Variants in CENPK observed in about 807,000 individuals in gnomAD.
The protein encoded by CENPK is SoxLZ/Sox6-binding protein Solt.
A neutral mutation model predicts 40.9 loss-of-function variants in CENPK; 46 were observed. That is an observed-to-expected ratio of 1.13 (90% CI 0.89 to 1.44). The LOEUF is 1.44. Ranked by LOEUF, CENPK falls within the 40% of genes most tolerant of loss-of-function variation. The pLI is 0.00. For missense variants in CENPK, 288 were observed against 303.5 expected (o/e 0.95, Z 0.38); for synonymous variants, 107 against 104.4 (o/e 1.02, Z -0.15).
chr5:65,533,475 T>A (rs1746277028), intron 6 of CENPK, among the ~76,000 whole-genome samples: 2 of 152,142 alleles, frequency 1.3e-5, no homozygotes. Context: ...TCACACTTAA[T>A]GGTGAAGGGG....
chr5:65,531,802 TA>T (rs945265383), intron 6 of CENPK, among the ~76,000 whole-genome samples: 1 of 152,076 alleles, frequency 6.6e-6, no homozygotes, highest in Non-Finnish European at 1.5e-5. Context: ...GCGCCCGGCC[TA>T]AAAGCCTATT....
At chr5:65,500,996 G>C in the CENPK span, among the ~76,000 whole-genome samples, 1 of 125,518 alleles carries the variant, frequency 8.0e-6, no homozygotes, top group Non-Finnish European at 1.7e-5. Flanking sequence ...CTGCAACTTT[G>C]CTGATTCTTT....
intron 6 of CENPK, among the ~76,000 whole-genome samples, chr5:65,532,910 C>CCA (rs1469972529): frequency 1.1e-4 from 4 of 37,012 alleles, no homozygotes; most frequent in Admixed American, 5.8e-4. Context: ...ACTCCATCTC[C>CCA]AAAAAAAAAA....
At chr5:65,520,236 T>G (rs1743470582) in intron 10 of CENPK, among the ~76,000 whole-genome samples, 1 of 152,160 alleles carries the variant, frequency 6.6e-6, no homozygotes, top group Non-Finnish European at 1.5e-5. Context: ...GCTCCCACTC[T>G]GGCCATGTAA....
the CENPK span, among the ~76,000 whole-genome samples, chr5:65,503,212 C>T: frequency 6.8e-6 from 1 of 147,034 alleles, no homozygotes; most frequent in Non-Finnish European, 1.5e-5. Flanking sequence ...TGGGTTTAAG[C>T]GATTCTGCCT....
chr5:65,523,580 G>A (rs1580892761), intron 9 of CENPK, among the ~76,000 whole-genome samples: 2 of 152,166 alleles, frequency 1.3e-5, no homozygotes, highest in Admixed American at 6.5e-5. Flanking sequence ...ATGAGCATAC[G>A]ATTAGTGGTG....
chr5:65,501,826 C>T, the CENPK span, among the ~76,000 whole-genome samples: 10 of 152,302 alleles, frequency 6.6e-5, no homozygotes, highest in East Asian at 1.9e-3. Flanking sequence ...GGAAGGAGCA[C>T]CTTGTTACTG....
downstream of CENPK, among the ~76,000 whole-genome samples, chr5:65,516,949 T>C (rs553018571): frequency 1.2e-4 from 19 of 152,198 alleles, no homozygotes; most frequent in Middle Eastern, 3.4e-3. Context: ...GGATTACTTT[T>C]TTTTTTTCTT....
rs772939137 is a variant in CENPK, at chr5:65,542,850, T to C, written c.242-2A>G. The stretch of plus-strand genomic sequence containing the variant: ...GAACGTCTTCAGTCAAGGGAATTGC[T>C]ACAAAAACAAAACAAAACAAAGTTA... On this transcript the variant is annotated splice_acceptor_variant, in intron 5 of 10. Transcript: ENST00000396679. LOFTEE classifies it high-confidence loss of function. 1.7e-5 allele frequency: 27 copies of C among 1,607,946 alleles called. No individual in the cohort carries two copies. Among genetic ancestry groups the C allele is most frequent in the Non-Finnish European group, 2.3e-5 (27 of 1,177,416 alleles).
chr5:65,521,693 C>T lies in CENPK; in HGVS notation c.598-165G>A, dbSNP rs565305778. The stretch of plus-strand genomic sequence containing the variant: ...TCGGTTCACTGCAACCTCCGCCTCC[C>T]GGATTCAAGTGGTTCTCTTGCCTCA... On this transcript the variant is annotated intron_variant, in intron 9 of 10. Coordinates refer to ENST00000396679, the MANE Select transcript of CENPK (RefSeq NM_022145.5). 5.3e-5 allele frequency among the ~76,000 whole-genome samples: 8 copies of T among 152,226 alleles called. No homozygotes were observed. The East Asian group carries it at 1.4e-3, about 26-fold the overall frequency.
chr5:65,541,065 C>A (rs1016609247), intron 6 of CENPK, among the ~76,000 whole-genome samples: 4 of 152,114 alleles, frequency 2.6e-5, no homozygotes, highest in African/African-American at 9.7e-5. Flanking sequence ...TCAAGTGATC[C>A]ATCCTCTTCA....
intron 6 of CENPK, chr5:65,541,304 C>A: frequency 1.4e-5 from 6 of 435,328 alleles, no homozygotes; most frequent in Non-Finnish European, 2.8e-5. Context: ...TATCTGAAAC[C>A]GGGGTCAGGC....
At position 65,554,855 on chromosome 5, in the gene CENPK, G is replaced by T; in HGVS notation, c.53C>A (p.Thr18Lys). 1 of 1,605,066 alleles carries T rather than the reference G, an allele frequency of 6.2e-7. No homozygotes were observed. The highest frequency in any genetic ancestry group is 8.5e-7 in the Non-Finnish European group (1 of 1,172,270). ...PDSTTDVGDVTNTEEELIREC... is the reference protein window; with the variant it reads ...PDSTTDVGDVKNTEEELIREC... ...TCTAATAAGTTCTTCTTCAGTATTT[G>T]TAACATCTCCCACATCTGTAGTACT... The change falls in exon 3 of 11, where the codon ACA (threonine) becomes AAA (lysine). Residue 18 changes from threonine to lysine, a missense_variant. Physicochemically the swap from Thr to Lys is moderately conservative, Grantham distance 78. Transcript: ENST00000396679.
chr5:65,521,333 A>G, intron 10 of CENPK, 142 bp downstream of exon 10: 1 of 631,100 alleles, frequency 1.6e-6, no homozygotes, highest in Non-Finnish European at 2.8e-6. Context: ...TACCAAAGAT[A>G]TATTATTACA....
At chr5:65,497,388 T>C in the CENPK span, among the ~76,000 whole-genome samples, 2 of 151,668 alleles carry the variant, frequency 1.3e-5, no homozygotes, top group South Asian at 2.1e-4. Context: ...AGAAAAAAAT[T>C]AGTTCCTCAC....
At chr5:65,515,982 C>A (rs953671258), downstream of CENPK, among the ~76,000 whole-genome samples, 1 of 152,156 alleles carries the variant, frequency 6.6e-6, no homozygotes, top group Non-Finnish European at 1.5e-5. Context: ...AGACAGCTAC[C>A]TTCTAGTTGT....
At chr5:65,550,181 A>T (rs956780509) in intron 5 of CENPK, among the ~76,000 whole-genome samples, 58 of 54,554 alleles carry the variant, frequency 1.1e-3, no homozygotes, top group Middle Eastern at 0.022. Flanking sequence ...TCTCAAAAAA[A>T]AAAAAAAAAA....
At chr5:65,514,079 G>A (rs898759717), downstream of CENPK, among the ~76,000 whole-genome samples, 1 of 151,912 alleles carries the variant, frequency 6.6e-6, no homozygotes, top group Admixed American at 6.6e-5. Context: ...GTGGTGTATA[G>A]TTTTTTGTTA....
At chr5:65,551,228 C>T (rs1271849726) in intron 5 of CENPK, 3 of 268,276 alleles carry the variant, frequency 1.1e-5, no homozygotes, top group Non-Finnish European at 2.0e-5. Context: ...CCAGCCTGGA[C>T]AACACGATGA....
Sources: gnomAD v4.1 joint callset for allele counts (sites outside exome capture counted in the v4.1 genomes callset) on GRCh38, gnomAD v4.1.1 for gene constraint, MANE v1.5 for transcripts, NCBI Gene and HGNC (gene_info 2026-07-23, HGNC 2026-07-21) for gene names.